Variants in FOXO4 observed in about 807,000 individuals in gnomAD.
The protein encoded by FOXO4 is forkhead box O4.
FOXO4 carries 3 observed loss-of-function variants against 20.8 expected under a neutral mutation model. That is an observed-to-expected ratio of 0.14 (90% confidence interval 0.07 to 0.37). FOXO4 has a LOEUF of 0.37. FOXO4 is among the 10% of genes least tolerant of loss of function. The pLI is 1.00. For missense variants in FOXO4, 309 were observed against 431.9 expected (o/e 0.72, Z 2.52); for synonymous variants, 158 against 180.0 (o/e 0.88, Z 0.98).
rs1229338181 is a variant in FOXO4 at position 71,102,215 on chromosome X, C to G, written c.*131C>G. On this transcript the variant is annotated 3_prime_UTR_variant, in exon 3 of 3. Transcript: ENST00000374259. ...AGCTAGGGTGGGGTCTGGTCACACACAGGTGTTGAAGAAATTATAAAGATA... is the reference window on the plus strand; with the variant it reads ...AGCTAGGGTGGGGTCTGGTCACACAGAGGTGTTGAAGAAATTATAAAGATA... The G allele has an allele frequency of 2.6e-5, 16 of 620,451 alleles. No homozygotes were observed. The highest frequency in any genetic ancestry group is 4.1e-5 in the Non-Finnish European group (16 of 387,443). 51.1% of individuals were successfully genotyped at this position (620,451 alleles called of 1,213,427 possible). A position where few individuals can be genotyped will look rare whatever the true frequency, so the allele number is the denominator to read the frequency against.
chrX:71,098,297 A>G (rs779644716), intron 1 of FOXO4, among the ~76,000 whole-genome samples: 1 of 112,323 alleles, frequency 8.9e-6, no homozygotes, highest in Non-Finnish European at 1.9e-5. Context: ...AGGTTAGGAA[A>G]TTCACCTAAT....
chrX:71,098,046 A>G (rs996044403), intron 1 of FOXO4, among the ~76,000 whole-genome samples: 5 of 111,135 alleles, frequency 4.5e-5, no homozygotes, highest in Non-Finnish European at 9.4e-5. Context: ...CTCAGCTCAT[A>G]AAAAGCTCCC....
rs1015517953 is a variant in FOXO4 at position 71,102,964 on chromosome X, T to C, written c.*880T>C. The C allele has an allele frequency of 1.7e-5, 3 of 172,804 alleles. No individual in the cohort carries two copies. The Admixed American group carries it at 2.4e-4, about 14-fold the overall frequency. The allele number at this position is 172,804 out of a possible 1,213,427, so 14.2% of individuals were successfully genotyped here. A position where few individuals can be genotyped will look rare whatever the true frequency, so the allele number is the denominator to read the frequency against. ...ACTTGTGCCTGGGAGTGTGTGGTGT[T>C]AGGGTGCAGCCACACTCTTCTATGA... is the stretch of plus-strand genomic sequence containing the variant. On this transcript the variant is annotated 3_prime_UTR_variant, in exon 3 of 3. Transcript: ENST00000374259.
intron 1 of FOXO4, 142 bp from the exon 2 acceptor site, chrX:71,100,542 C>T (rs2092228109): frequency 2.8e-6 from 1 of 362,529 alleles, no homozygotes; most frequent in Non-Finnish European, 4.8e-6. Flanking sequence ...AATGAAGCCC[C>T]GAAATGAACC....
intron 2 of FOXO4, 119 bp downstream of exon 2, chrX:71,101,859 G>A: frequency 1.4e-6 from 1 of 698,993 alleles, no homozygotes; most frequent in Admixed American, 2.4e-5. Context: ...AGAGCTCCTG[G>A]GGAACTGGAG....
In FOXO4 at chrX:71,096,486, C is replaced by A; in HGVS notation, c.-43C>A. ...GGGGAGGCATCGTGAGGGACTGTGG[C>A]AGGCTTCACTGAACGCTGAGCCGGG... is the stretch of plus-strand genomic sequence containing the variant. On this transcript the variant is annotated 5_prime_UTR_variant, in exon 1 of 3. Coordinates refer to ENST00000374259, the MANE Select transcript of FOXO4 (RefSeq NM_005938.4). 8.9e-7 allele frequency: 1 copy of A among 1,117,951 alleles called. No individual in the cohort carries two copies. Among genetic ancestry groups the A allele is most frequent in the Admixed American group, 2.5e-5 (1 of 40,698 alleles). 92.1% of individuals were successfully genotyped at this position (1,117,951 alleles called of 1,213,427 possible).
In FOXO4 at chrX:71,100,991, C is replaced by T; in HGVS notation, c.761C>T (p.Thr254Ile). 1 of 1,211,378 alleles carries T rather than the reference C, an allele frequency of 8.3e-7. No homozygotes were observed. Among genetic ancestry groups the T allele is most frequent in the Non-Finnish European group, 1.1e-6 (1 of 895,172 alleles). Residue 254 changes from threonine (T) to isoleucine (I), a missense_variant, in exon 2 of 3, where the codon ACC becomes ATC. This residue lies in a region of FOXO4 where 223 missense variants were observed against 302.7 expected (regional missense o/e 0.74). Transcript: ENST00000374259. ...AACCGTGAAGAAGCCGATATGTGGA[C>T]CACCTTCCGTCCACGAAGCAGTTCA... Reference protein sequence around the residue: ...SRNREEADMWTTFRPRSSSNA... With the variant: ...SRNREEADMWITFRPRSSSNA...
At position 71,103,410 on chromosome X, in the gene FOXO4, C is replaced by CTG. The variant is rs2092237209; in HGVS notation, c.*1329_*1330dup. ...TGCATCGTCCCCTCCCCCACCCCTG[C>CTG]TGTGGGTTCCCATCATTTCCTGTGT... On this transcript the variant is annotated 3_prime_UTR_variant, in exon 3 of 3. Coordinates refer to ENST00000374259, the MANE Select transcript of FOXO4 (RefSeq NM_005938.4). The CTG allele has an allele frequency of 1.2e-5, 2 of 161,158 alleles. No individual in the cohort carries two copies. The highest frequency in any genetic ancestry group is 2.4e-5 in the Non-Finnish European group (2 of 83,556). 13.3% of individuals were successfully genotyped at this position (161,158 alleles called of 1,213,427 possible).
intron 1 of FOXO4, among the ~76,000 whole-genome samples, chrX:71,100,402 C>T (rs1192592034): frequency 9.6e-6 from 1 of 103,679 alleles, no homozygotes; most frequent in Non-Finnish European, 2.0e-5. Context: ...ACCAGTTTTC[C>T]CCCCTGGATT....
In FOXO4 at chrX:71,100,773, C is replaced by G. The variant is rs758519023; in HGVS notation, c.543C>G (p.Asn181Lys). 1.7e-6 allele frequency: 2 copies of G among 1,209,315 alleles called. No homozygotes were observed. The highest frequency in any genetic ancestry group is 2.2e-6 in the Non-Finnish European group (2 of 894,809). ...ATGKSSWWML[N>K]PEGGKSGKAP... Reference sequence around the variant, plus strand: ...GCAAAAGCTCTTGGTGGATGCTGAACCCTGAGGGAGGCAAGAGCGGCAAAG... The same window carrying G: ...GCAAAAGCTCTTGGTGGATGCTGAAGCCTGAGGGAGGCAAGAGCGGCAAAG... Residue 181 changes from asparagine to lysine, a missense_variant, in exon 2 of 3, where the codon AAC (asparagine) becomes AAG (lysine). By Grantham distance (94) the Asn-to-Lys change is moderately conservative. Coordinates refer to ENST00000374259, the MANE Select transcript of FOXO4 (RefSeq NM_005938.4).
intron 1 of FOXO4, 55 bp from the exon 2 acceptor site, chrX:71,100,629 A>G: frequency 7.1e-6 from 7 of 991,235 alleles, no homozygotes; most frequent in Non-Finnish European, 9.6e-6. Context: ...ACCGCTGGCC[A>G]CTGACCTCCC....
rs773100633 is a variant in FOXO4, at chrX:71,101,459, C to T, written c.1229C>T (p.Thr410Met). The change falls in exon 2 of 3, where the codon ACG becomes ATG. Residue 410 changes from threonine (T) to methionine (M), a missense_variant. By Grantham distance (81) the Thr-to-Met change is moderately conservative. Transcript: ENST00000374259. The stretch of plus-strand genomic sequence containing the variant: ...CTTCCTTCCTCCAGTAAGCTGGCCA[C>T]GGGCGTCGGCCTGTGTCCCAAGCCC... ...GGLPSSSKLA[T>M]GVGLCPKPLE... The T allele has an allele frequency of 1.9e-5, 23 of 1,209,506 alleles. No individual in the cohort carries two copies. The highest frequency in any genetic ancestry group is 2.3e-4 in the Middle Eastern group (1 of 4,377).
At position 71,101,075 on chromosome X, in the gene FOXO4, C is replaced by T. The variant is rs750611569; in HGVS notation, c.845C>T (p.Ala282Val). Residue 282 changes from alanine (A) to valine (V), a missense_variant, in exon 2 of 3, where the codon GCG becomes GTG. Physicochemically the swap from Ala to Val is moderately conservative, Grantham distance 64. Coordinates refer to ENST00000374259, the MANE Select transcript of FOXO4 (RefSeq NM_005938.4). The part of the protein sequence containing the change: ...SPLRPESEVL[A>V]EEIPASVSSY... ...TTGAGGCCAGAGTCTGAGGTGCTGGCGGAGGAAATACCAGCTTCAGTCAGC... is the reference window on the plus strand; with the variant it reads ...TTGAGGCCAGAGTCTGAGGTGCTGGTGGAGGAAATACCAGCTTCAGTCAGC... The T allele has an allele frequency of 1.4e-5, 17 of 1,209,771 alleles. No homozygotes were observed. The highest frequency in any genetic ancestry group is 4.4e-5 in the Admixed American group (2 of 45,784).
chrX:71,096,446 A>C lies in FOXO4; in HGVS notation c.-83A>C. 1.1e-6 allele frequency: 1 copy of C among 911,300 alleles called. No individual in the cohort carries two copies. Among genetic ancestry groups the C allele is most frequent in the Non-Finnish European group, 1.5e-6 (1 of 650,919 alleles). The allele number at this position is 911,300 out of a possible 1,213,427, so 75.1% of individuals were successfully genotyped here. A position where few individuals can be genotyped will look rare whatever the true frequency, so the allele number is the denominator to read the frequency against. On this transcript the variant is annotated 5_prime_UTR_variant, in exon 1 of 3. It removes an upstream start codon present in the reference 5' UTR. Coordinates refer to ENST00000374259, the MANE Select transcript of FOXO4 (RefSeq NM_005938.4). ...GCAGGAATGTGCCTCCTGGCCCTCG[A>C]TGCTTCCCCCCTGAGGGGAGGCATC...
rs768990350 is a variant in FOXO4, at chrX:71,096,561, G to A, written c.33G>A (p.Glu11=). The A allele has an allele frequency of 4.1e-5, 50 of 1,207,884 alleles. No homozygotes were observed. The highest frequency in any genetic ancestry group is 5.4e-5 in the Non-Finnish European group (48 of 893,990). Residue 11 remains glutamate, a synonymous_variant, in exon 1 of 3, where the codon GAG becomes GAA. Coordinates refer to ENST00000374259, the MANE Select transcript of FOXO4 (RefSeq NM_005938.4). The part of the protein sequence containing the change: MDPGNENSAT[E]AAAIIDLDPD... Reference sequence around the variant, plus strand: ...CGGGGAATGAGAATTCAGCCACAGAGGCTGCCGCGATCATAGACCTAGATC... The same window carrying A: ...CGGGGAATGAGAATTCAGCCACAGAAGCTGCCGCGATCATAGACCTAGATC...
chrX:71,101,962 T>G (rs1212552788), intron 2 of FOXO4, 115 bp from the exon 3 acceptor site: 6 of 873,339 alleles, frequency 6.9e-6, no homozygotes, highest in Non-Finnish European at 9.9e-6. Flanking sequence ...AGAAAAGGTA[T>G]GTGTATGGAA....
intron 1 of FOXO4, among the ~76,000 whole-genome samples, chrX:71,100,248 A>AC (rs2092227213): frequency 4.3e-5 from 4 of 92,492 alleles, no homozygotes; most frequent in African/African-American, 8.3e-5. Context: ...CAGGGTGGGC[A>AC]TCCCCCGTGC....
chrX:71,101,360 C>A lies in FOXO4; in HGVS notation c.1130C>A (p.Pro377His). Residue 377 changes from proline (P) to histidine (H), a missense_variant, in exon 2 of 3, where the codon CCC (proline) becomes CAC (histidine). Transcript: ENST00000374259. Reference sequence around the variant, plus strand: ...CTGCTCACCTCTGATACGCCACCACCCCCTGCTGACGTCCTCATGACCCAG... The same window carrying A: ...CTGCTCACCTCTGATACGCCACCACACCCTGCTGACGTCCTCATGACCCAG... ...EALLTSDTPP[P>H]PADVLMTQVD... The A allele has an allele frequency of 1.7e-6, 2 of 1,211,385 alleles. No individual in the cohort carries two copies. The highest frequency in any genetic ancestry group is 3.5e-5 in the South Asian group (2 of 56,947).
rs2092218906 is a variant in FOXO4, at chrX:71,096,664, G to C, written c.136G>C (p.Glu46Gln). Residue 46 changes from glutamate (E) to glutamine (Q), a missense_variant, in exon 1 of 3, where the codon GAG (glutamate) becomes CAG (glutamine). This residue lies in a region of FOXO4 where 81 missense variants were observed against 94.2 expected (regional missense o/e 0.86). Transcript: ENST00000374259. ...PRPEIANQPS[E>Q]PPEVEPDLGE... Reference sequence around the variant, plus strand: ...ACCAGAGATCGCTAACCAGCCGTCCGAGCCGCCCGAGGTGGAGCCAGATCT... The same window carrying C: ...ACCAGAGATCGCTAACCAGCCGTCCCAGCCGCCCGAGGTGGAGCCAGATCT... 6 of 1,210,361 alleles carry C rather than the reference G, an allele frequency of 5.0e-6. No individual in the cohort carries two copies. Among genetic ancestry groups the C allele is most frequent in the Non-Finnish European group, 6.7e-6 (6 of 894,798 alleles).
Sources: gnomAD v4.1 joint callset for allele counts (sites outside exome capture counted in the v4.1 genomes callset) on GRCh38, gnomAD v4.1.1 for gene constraint, gnomAD v4.1.1 regional missense constraint, MANE v1.5 for transcripts, NCBI Gene and HGNC (gene_info 2026-07-23, HGNC 2026-07-21) for gene names.